RAD54L2: variants seen among roughly 807,000 people sequenced by gnomAD.
RAD54L2 encodes helicase ARIP4.
In RAD54L2, 27 loss-of-function variants were observed where a neutral mutation model predicts 138.4. The ratio of observed to expected loss-of-function variants is 0.20; its 90% confidence interval spans 0.14 to 0.27. The LOEUF (loss-of-function observed/expected upper bound fraction) is 0.27, where lower values mean the gene tolerates loss of function less well. RAD54L2 is among the 10% of genes least tolerant of loss of function. RAD54L2 has a pLI of 1.00. For synonymous variants in RAD54L2, 644 were observed against 723.2 expected (o/e 0.89, Z 1.76); for missense variants, 1,396 against 1,890.2 (o/e 0.74, Z 4.85).
intron 21 of RAD54L2, among the ~76,000 whole-genome samples, chr3:51,659,366 A>G (rs1484043697): frequency 1.3e-5 from 2 of 152,084 alleles, no homozygotes; most frequent in Non-Finnish European, 2.9e-5. Context: ...CGGCCTCCCA[A>G]AATGCTGGGA....
rs753901403 is a variant in RAD54L2, at chr3:51,589,146, A to G, written c.-54-1221A>G. 4.6e-5 allele frequency among the ~76,000 whole-genome samples: 7 copies of G among 152,324 alleles called. 1 individual carries two copies. In the South Asian group the frequency reaches 1.5e-3, roughly 32 times the overall value. Reference sequence around the variant, plus strand: ...ATCCTGATAAATGCATCGTAAGTTGAAAATATTGTAAGTTGAAAGTCTATT... The same window carrying G: ...ATCCTGATAAATGCATCGTAAGTTGGAAATATTGTAAGTTGAAAGTCTATT... On this transcript the variant is annotated intron_variant, in intron 2 of 22. Transcript: ENST00000684192.
chr3:51,662,815 T>C lies in RAD54L2; in HGVS notation c.3799T>C (p.Ser1267Pro), dbSNP rs1279025313. 6.2e-7 allele frequency: 1 copy of C among 1,611,232 alleles called. No homozygotes were observed. The highest frequency in any genetic ancestry group is 2.2e-5 in the East Asian group (1 of 44,780). ...GGCCACACCACCTGCTGCCCAGGAG[T>C]CATCCCGCCGGCGGTCCAGGAAGGG... ...KLATPPAAQE[S>P]SRRRSRKGHL... Residue 1267 changes from serine to proline, a missense_variant, in exon 23 of 23, where the codon TCA (serine) becomes CCA (proline). Transcript: ENST00000684192. The surrounding 1 kb of genome is among the most constrained non-coding windows in gnomAD (Gnocchi z 4.6).
At chr3:51,586,100 GC>G (rs1267477445) in intron 2 of RAD54L2, among the ~76,000 whole-genome samples, 21 of 152,134 alleles carry the variant, frequency 1.4e-4, no homozygotes, top group Non-Finnish European at 2.6e-4. Flanking sequence ...GTTCTGAAAG[GC>G]TATGCCCACA....
intron 2 of RAD54L2, among the ~76,000 whole-genome samples, chr3:51,582,570 AC>A (rs1699631349): frequency 1.5e-5 from 2 of 131,736 alleles, no homozygotes; most frequent in Non-Finnish European, 1.6e-5. Flanking sequence ...TCTACCCTCC[AC>A]CCCCCACAAC....
intron 3 of RAD54L2, among the ~76,000 whole-genome samples, chr3:51,596,149 A>T (rs963079987): frequency 1.1e-4 from 1 of 9,094 alleles, no homozygotes; most frequent in Non-Finnish European, 2.5e-4. Flanking sequence ...GCTGGTCTCA[A>T]ACTCCTGACC....
In RAD54L2 at chr3:51,646,417, G is replaced by A. The variant is rs917659895; in HGVS notation, c.2962G>A (p.Ala988Thr). The A allele has an allele frequency of 2.5e-6, 4 of 1,613,734 alleles. No homozygotes were observed. The Admixed American group carries it at 5.0e-5, about 20-fold the overall frequency. Reference protein sequence around the residue: ...TSVPYTRPSYAQYYPASDQSL... With the variant: ...TSVPYTRPSYTQYYPASDQSL... ...AGTCCCCTATACCCGCCCATCGTAT[G>A]CGCAGTATTACCCTGCCAGCGATCA... Residue 988 changes from alanine to threonine, a missense_variant, in exon 19 of 23, where the codon GCG becomes ACG. By Grantham distance (58) the Ala-to-Thr change is moderately conservative. Coordinates refer to ENST00000684192, the MANE Select transcript of RAD54L2 (RefSeq NM_015106.4).
chr3:51,582,387 CTCT>C (rs10559277), intron 2 of RAD54L2, among the ~76,000 whole-genome samples: 114,171 of 151,568 alleles, frequency 0.75, 43,973 homozygotes, highest in Middle Eastern at 0.85. Context: ...TATTTTTTTC[CTCT>C]TCTTATCACC....
chr3:51,656,747 T>C (rs1159962647), intron 20 of RAD54L2, among the ~76,000 whole-genome samples: 2 of 152,082 alleles, frequency 1.3e-5, no homozygotes, highest in African/African-American at 2.4e-5. Context: ...ATATATAAAT[T>C]GATTATTATT....
intron 2 of RAD54L2, among the ~76,000 whole-genome samples, chr3:51,585,186 A>T (rs1337479622): frequency 6.6e-6 from 1 of 151,604 alleles, no homozygotes; most frequent in Non-Finnish European, 1.5e-5. Context: ...GATATTCTTC[A>T]AGAAAAAAAA....
intron 19 of RAD54L2, among the ~76,000 whole-genome samples, chr3:51,648,267 C>T (rs1701336924): frequency 6.6e-6 from 1 of 152,198 alleles, no homozygotes; most frequent in African/African-American, 2.4e-5. Context: ...ATTGCTGAGG[C>T]TTGAGTAGGT....
At chr3:51,609,354 C>T (rs1431443474) in intron 3 of RAD54L2, among the ~76,000 whole-genome samples, 1 of 152,180 alleles carries the variant, frequency 6.6e-6, no homozygotes, top group Non-Finnish European at 1.5e-5. Context: ...CTTGCTTTAT[C>T]CCTTCTCTTA....
At chr3:51,581,023 A>G (rs1699595907) in intron 2 of RAD54L2, among the ~76,000 whole-genome samples, 1 of 152,220 alleles carries the variant, frequency 6.6e-6, no homozygotes, top group Non-Finnish European at 1.5e-5. Context: ...GAAACAACCT[A>G]TATACCATGT....
chr3:51,602,030 C>A (rs1255752177), intron 3 of RAD54L2, among the ~76,000 whole-genome samples: 3 of 151,866 alleles, frequency 2.0e-5, no homozygotes, highest in Non-Finnish European at 4.4e-5. Flanking sequence ...CGCGGTTTCA[C>A]CATGTTGGCC....
In RAD54L2 at chr3:51,637,650, T is replaced by C; in HGVS notation, c.1682+147T>C. The stretch of plus-strand genomic sequence containing the variant: ...TAAAACTTTGCTTCCTGTGACAAGC[T>C]AGCAGATGGTGGATATCCACTGTTT... On this transcript the variant is annotated intron_variant, in intron 11 of 22. Coordinates refer to ENST00000684192, the MANE Select transcript of RAD54L2 (RefSeq NM_015106.4). The surrounding 1 kb of genome is among the most constrained non-coding windows in gnomAD (Gnocchi z 5.9). The C allele has an allele frequency of 1.3e-6, 1 of 772,638 alleles. No homozygotes were observed. The highest frequency in any genetic ancestry group is 2.0e-6 in the Non-Finnish European group (1 of 495,254). 47.9% of individuals were successfully genotyped at this position (772,638 alleles called of 1,614,324 possible).
At chr3:51,644,700 A>G (rs942256315) in intron 16 of RAD54L2, among the ~76,000 whole-genome samples, 5 of 152,202 alleles carry the variant, frequency 3.3e-5, no homozygotes, top group Admixed American at 3.3e-4. Context: ...CTGTTAGACT[A>G]AAAATAGTGG....
At chr3:51,540,264 A>G (rs1432994420) in intron 1 of RAD54L2, among the ~76,000 whole-genome samples, 1 of 152,244 alleles carries the variant, frequency 6.6e-6, no homozygotes, top group Non-Finnish European at 1.5e-5. Context: ...CCATCCTTAA[A>G]TCCATGAAAT....
chr3:51,576,482 T>A (rs972853527), intron 2 of RAD54L2, among the ~76,000 whole-genome samples: 6 of 152,152 alleles, frequency 3.9e-5, no homozygotes, highest in Non-Finnish European at 7.4e-5. Context: ...GGTCCTGGAC[T>A]TTTTTTGGTT....
At chr3:51,589,907 G>C (rs1442515565) in intron 2 of RAD54L2, among the ~76,000 whole-genome samples, 1 of 152,184 alleles carries the variant, frequency 6.6e-6, no homozygotes, top group African/African-American at 2.4e-5. Context: ...CTCAGAGCCA[G>C]AACACTCATA....
chr3:51,654,394 A>C (rs778743747), intron 19 of RAD54L2, among the ~76,000 whole-genome samples: 4 of 152,222 alleles, frequency 2.6e-5, no homozygotes, highest in Non-Finnish European at 5.9e-5. Flanking sequence ...TTTAAGTAGA[A>C]AGTCACTTTC....
Sources: allele counts gnomAD v4.1 joint callset (sites outside exome capture counted in the v4.1 genomes callset), GRCh38; gene constraint gnomAD v4.1.1; non-coding constraint Gnocchi (gnomAD v3.1); transcripts MANE v1.5; gene names NCBI Gene and HGNC (gene_info 2026-07-23, HGNC 2026-07-21).